MIA2: variants seen among roughly 807,000 people sequenced by gnomAD.
MIA2 encodes melanoma inhibitory activity protein 2.
Under a neutral mutation model 167.8 loss-of-function variants are expected in MIA2, and 127 were observed. The observed-to-expected ratio is 0.76, with a 90% CI of 0.66 to 0.88. The LOEUF (loss-of-function observed/expected upper bound fraction) is 0.88. Ranked by LOEUF, MIA2 falls within the 40% of genes least tolerant of loss-of-function variation. The pLI, the probability that MIA2 is intolerant of heterozygous loss-of-function variation, is 0.00. For missense variants in MIA2, 1,690 were observed against 1,624.7 expected (o/e 1.04, Z -0.69); for synonymous variants, 552 against 541.9 (o/e 1.02, Z -0.26).
At chr14:39,301,068 ACACACACACG>A (rs753622934) in intron 14 of MIA2, among the ~76,000 whole-genome samples, 4 of 96,922 alleles carry the variant, frequency 4.1e-5, no homozygotes, top group African/African-American at 1.0e-4. Context: ...ACACACACAC[ACACACACACG>A]AGATGGACTT....
chr14:39,288,451 A>ATTTTTTTT lies in MIA2; in HGVS notation c.2131-2567_2131-2566insTTTTTTTT, dbSNP rs1566746956. ...ATTATACATATATATATATATATAT[A>ATTTTTTTT]TATATATATATATATATATATATAT... On this transcript the variant is annotated intron_variant, in intron 9 of 28. Transcript: ENST00000640607. Among the ~76,000 whole-genome samples, 18 of 8,794 alleles carry ATTTTTTTT rather than the reference A, an allele frequency of 2.0e-3. 5 individuals are homozygous for ATTTTTTTT. Among genetic ancestry groups the ATTTTTTTT allele is most frequent in the East Asian group, 3.6e-3 (2 of 550 alleles). The allele number at this position is 8,794 out of a possible 152,430, so 5.8% of individuals were successfully genotyped here.
At chr14:39,312,435 A>G (rs2064488910) in intron 18 of MIA2, among the ~76,000 whole-genome samples, 1 of 152,234 alleles carries the variant, frequency 6.6e-6, no homozygotes, top group Non-Finnish European at 1.5e-5. Flanking sequence ...GTAGAATACA[A>G]AATATTTACT....
chr14:39,267,398 C>G (rs1167624289), intron 6 of MIA2: 4 of 1,607,332 alleles, frequency 2.5e-6, no homozygotes, highest in South Asian at 1.1e-5. Context: ...TGTTCTCCGC[C>G]GTTTATTGTG....
chr14:39,347,811 A>C, intron 27 of MIA2, 40 bp downstream of exon 27: 5 of 1,284,518 alleles, frequency 3.9e-6, no homozygotes, highest in Non-Finnish European at 5.4e-6. Flanking sequence ...ATGTATTCAG[A>C]AGCCTTCTTT....
chr14:39,272,600 A>G (rs2152713024), intron 6 of MIA2, among the ~76,000 whole-genome samples: 1 of 152,314 alleles, frequency 6.6e-6, no homozygotes, highest in African/African-American at 2.4e-5. Flanking sequence ...TCCTGTCTTT[A>G]AAAGAAATAC....
At chr14:39,358,151 C>G (rs1023111770) in intron 23 of MIA2, among the ~76,000 whole-genome samples, 5 of 152,168 alleles carry the variant, frequency 3.3e-5, no homozygotes, top group Non-Finnish European at 7.3e-5. Flanking sequence ...AGAGTGTTTT[C>G]CAACTTGGTT....
intron 9 of MIA2, among the ~76,000 whole-genome samples, chr14:39,283,097 T>C (rs1594997426): frequency 6.6e-6 from 1 of 152,364 alleles, no homozygotes; most frequent in Non-Finnish European, 1.5e-5. Flanking sequence ...CTGAGTAATA[T>C]TCCATTGTAA....
rs1555358832 is a variant in MIA2, at chr14:39,277,776, A to ATATATATATT, written c.2019+716_2019+717insATATTTATAT. 1.1e-4 allele frequency among the ~76,000 whole-genome samples: 4 copies of ATATATATATT among 35,772 alleles called. 1 individual carries two copies. Among genetic ancestry groups the ATATATATATT allele is most frequent in the East Asian group, 3.3e-3 (2 of 600 alleles). The allele number at this position is 35,772 out of a possible 152,430, so 23.5% of individuals were successfully genotyped here. A position where few individuals can be genotyped will look rare whatever the true frequency, so the allele number is the denominator to read the frequency against. On this transcript the variant is annotated intron_variant, in intron 7 of 28. Transcript: ENST00000640607. ...TATATATATATATATATATATATAT[A>ATATATATATT]TATATTTATATTTAAAGAGATGGGG...
chr14:39,240,085 G>A (rs939061867), intron 2 of MIA2, among the ~76,000 whole-genome samples: 1 of 152,212 alleles, frequency 6.6e-6, no homozygotes, highest in Admixed American at 6.5e-5. Flanking sequence ...TGAAGGACTT[G>A]TAGACCTTTA....
intron 3 of MIA2, among the ~76,000 whole-genome samples, chr14:39,245,402 A>T (rs1187786055): frequency 1.3e-5 from 2 of 152,184 alleles, no homozygotes; most frequent in Non-Finnish European, 2.9e-5. Context: ...TGCAAAAAAA[A>T]AATCCCATAG....
chr14:39,280,978 A>G (rs1275448418), intron 9 of MIA2, among the ~76,000 whole-genome samples: 4 of 123,298 alleles, frequency 3.2e-5, no homozygotes, highest in African/African-American at 6.3e-5. Flanking sequence ...GCTGCAGTAC[A>G]GTGGTGTGAT....
At chr14:39,314,664 A>AT (rs2065010172) in intron 19 of MIA2, 75 bp from the exon 20 acceptor site, 8 of 955,208 alleles carry the variant, frequency 8.4e-6, no homozygotes, top group Admixed American at 3.3e-5. Context: ...TCTAATAAAT[A>AT]TTTTTTTAGT....
chr14:39,296,142 C>T (rs2061391731), intron 13 of MIA2, among the ~76,000 whole-genome samples: 1 of 152,044 alleles, frequency 6.6e-6, no homozygotes, highest in Non-Finnish European at 1.5e-5. Context: ...AAAGGTTCCT[C>T]TTGTCTTTCT....
intron 9 of MIA2, among the ~76,000 whole-genome samples, chr14:39,288,485 T>TTG (rs1566749363): frequency 5.9e-5 from 5 of 85,236 alleles, no homozygotes; most frequent in African/African-American, 1.7e-4. Flanking sequence ...ATTTTTTTTT[T>TTG]TTTTTTTGAG....
chr14:39,258,191 T>C (rs912612274), intron 6 of MIA2, among the ~76,000 whole-genome samples: 1 of 152,218 alleles, frequency 6.6e-6, no homozygotes, highest in Non-Finnish European at 1.5e-5. Context: ...TCCAACTTGG[T>C]TCCATTCTCT....
intron 25 of MIA2, among the ~76,000 whole-genome samples, chr14:39,344,951 G>C (rs2072900038): frequency 6.6e-6 from 1 of 152,202 alleles, no homozygotes; most frequent in African/African-American, 2.4e-5. Context: ...AAGGGTGGCT[G>C]TAGAAGCACT....
At chr14:39,285,911 A>G (rs1208544981) in intron 9 of MIA2, among the ~76,000 whole-genome samples, 2 of 148,848 alleles carry the variant, frequency 1.3e-5, no homozygotes, top group South Asian at 2.1e-4. Context: ...GATGCTCCTC[A>G]CTTCCTAGAC....
At chr14:39,326,395 C>T (rs1309504207) in intron 24 of MIA2, among the ~76,000 whole-genome samples, 2 of 152,040 alleles carry the variant, frequency 1.3e-5, no homozygotes, top group African/African-American at 4.8e-5. Context: ...AGTAGAGAGT[C>T]ATGTTTTAAC....
In MIA2 at chr14:39,293,322, C is replaced by G. The variant is rs2152832424; in HGVS notation, c.2260C>G (p.Leu754Val). The change falls in exon 11 of 29, where the codon CTC becomes GTC. Residue 754 changes from leucine (L) to valine (V), a missense_variant. Physicochemically the swap from Leu to Val is conservative, Grantham distance 32 (BLOSUM62 1). Coordinates refer to ENST00000640607, the MANE Select transcript of MIA2 (RefSeq NM_001329214.4). ...CAATTCTGAACTTGAGGATGAAATA[C>G]TCTGTCTAGAAAAAGAGTTAAAAGA... ...RSNSELEDEILCLEKELKEEK... is the reference protein window; with the variant it reads ...RSNSELEDEIVCLEKELKEEK... 6.2e-7 allele frequency: 1 copy of G among 1,612,794 alleles called. No individual in the cohort carries two copies. The highest frequency in any genetic ancestry group is 8.5e-7 in the Non-Finnish European group (1 of 1,179,326).
Sources: gnomAD v4.1 joint callset for allele counts (sites outside exome capture counted in the v4.1 genomes callset) on GRCh38, gnomAD v4.1.1 for gene constraint, MANE v1.5 for transcripts, NCBI Gene and HGNC (gene_info 2026-07-23, HGNC 2026-07-21) for gene names.